Variants in NR3C1 observed in about 807,000 individuals in gnomAD.
The protein encoded by NR3C1 is glucocorticoid receptor.
A neutral mutation model predicts 74.0 loss-of-function variants in NR3C1; 14 were observed. The ratio of observed to expected loss-of-function variants is 0.19; its 90% CI spans 0.12 to 0.30. The LOEUF is 0.30. NR3C1 is among the 10% of genes least tolerant of loss of function. NR3C1 has a pLI of 1.00. For missense variants in NR3C1, 695 were observed against 909.8 expected (o/e 0.76, Z 3.04); for synonymous variants, 308 against 332.5 (o/e 0.93, Z 0.80).
rs2151472026 is a variant in NR3C1, at chr5:143,281,722, C to A, written c.*167G>T. On this transcript the variant is annotated 3_prime_UTR_variant, in exon 9 of 9. Coordinates refer to ENST00000394464, the MANE Select transcript of NR3C1 (RefSeq NM_000176.3). ...ATGACGACTCAACTGCTTCTGTTGC[C>A]AAGTCTTGGCCCTCTATAAACCACA... is the stretch of plus-strand genomic sequence containing the variant. 1.5e-6 allele frequency: 1 copy of A among 658,592 alleles called. No individual in the cohort carries two copies. Among genetic ancestry groups the A allele is most frequent in the East Asian group, 2.8e-5 (1 of 35,414 alleles). 40.8% of individuals were successfully genotyped at this position (658,592 alleles called of 1,614,324 possible).
rs72558023 is a variant in NR3C1, at chr5:143,400,642, T to C, written c.198A>G (p.Pro66=). Residue 66 remains proline (P), a synonymous_variant, in exon 2 of 9, where the codon CCA becomes CCG. Coordinates refer to ENST00000394464, the MANE Select transcript of NR3C1 (RefSeq NM_000176.3). ...SKQRRLLVDF[P]KGSVSNAQQP... ...GCTGCGCATTGCTTACTGAGCCTTT[T>C]GGAAAATCAACCAAAAGTCTTCGCT... The C allele has an allele frequency of 4.3e-6, 7 of 1,614,070 alleles. No individual in the cohort carries two copies. The highest frequency in any genetic ancestry group is 5.9e-6 in the Non-Finnish European group (7 of 1,179,880).
At chr5:143,381,175 G>C (rs184541293) in intron 2 of NR3C1, among the ~76,000 whole-genome samples, 1 of 151,992 alleles carries the variant, frequency 6.6e-6, no homozygotes. Context: ...AAATCAGAAA[G>C]TAATCTCATT....
Position 143,321,278 on chromosome 5 carries a change from C to T in NR3C1, c.1185-7110G>A, listed in dbSNP as rs755577942. 3.9e-5 allele frequency among the ~76,000 whole-genome samples: 6 copies of T among 152,142 alleles called. No individual in the cohort carries two copies. In the South Asian group the frequency reaches 8.3e-4, roughly 21 times the overall value. On this transcript the variant is annotated intron_variant, in intron 2 of 8. Transcript: ENST00000394464. ...GTAACTTATTTCTAAATATTTTATT[C>T]GATTCTTAAAGAGAGATTTGAATTT...
intron 2 of NR3C1, 23 bp downstream of exon 2, chr5:143,399,633 A>ACTCTT: frequency 6.6e-7 from 1 of 1,514,590 alleles, no homozygotes; most frequent in Non-Finnish European, 9.2e-7. Context: ...CATTCTTAAG[A>ACTCTT]AACAGAAAAA....
At chr5:143,350,355 T>C (rs566550753) in intron 2 of NR3C1, among the ~76,000 whole-genome samples, 1 of 152,232 alleles carries the variant, frequency 6.6e-6, no homozygotes, top group Non-Finnish European at 1.5e-5. Context: ...TTGCGAGGTA[T>C]TTATTTAGTC....
At chr5:143,378,838 A>G (rs1290439162) in intron 2 of NR3C1, among the ~76,000 whole-genome samples, 1 of 152,134 alleles carries the variant, frequency 6.6e-6, no homozygotes, top group East Asian at 1.9e-4. Context: ...GTGGAATGAT[A>G]CTGTTCTTTT....
chr5:143,325,804 AT>A, intron 2 of NR3C1, among the ~76,000 whole-genome samples: 1 of 152,298 alleles, frequency 6.6e-6, no homozygotes, highest in South Asian at 2.1e-4. Flanking sequence ...GGGCTGCTAT[AT>A]TTAGTAAATA....
intron 7 of NR3C1, among the ~76,000 whole-genome samples, chr5:143,288,888 C>T (rs1458559635): frequency 1.3e-5 from 2 of 151,778 alleles, no homozygotes; most frequent in East Asian, 1.9e-4. Flanking sequence ...GGTGGATCAC[C>T]TGAGGTCAGG....
intron 2 of NR3C1, among the ~76,000 whole-genome samples, chr5:143,320,346 C>T (rs1226981484): frequency 6.6e-6 from 1 of 152,166 alleles, no homozygotes; most frequent in Non-Finnish European, 1.5e-5. Context: ...GCATTGGTTT[C>T]AACTTTAGGT....
At chr5:143,294,722 A>G (rs905142919) in intron 7 of NR3C1, among the ~76,000 whole-genome samples, 1 of 152,090 alleles carries the variant, frequency 6.6e-6, no homozygotes, top group East Asian at 1.9e-4. Context: ...AATGTTATAT[A>G]GTTAGAATCA....
chr5:143,306,874 ATTTTTTTTTTTTTTTTTTTTTTTTT>A (rs70991802), intron 4 of NR3C1, among the ~76,000 whole-genome samples: 6 of 82,904 alleles, frequency 7.2e-5, no homozygotes, highest in African/African-American at 2.0e-4. Flanking sequence ...GTATGCTTAA[ATTTTTTTTTTTTTTTTTTTTTTTTT>A]TTTTTTTTTT....
exon 1 of NR3C1, chr5:143,434,769 T>A: frequency 1.0e-6 from 1 of 985,442 alleles, no homozygotes; most frequent in Non-Finnish European, 1.2e-6. Context: ...AGCTGGCCCC[T>A]TTCCTGGGCT....
chr5:143,281,858 T>C lies in NR3C1; in HGVS notation c.*31A>G. 1 of 1,605,014 alleles carries C rather than the reference T, an allele frequency of 6.2e-7. No homozygotes were observed. The highest frequency in any genetic ancestry group is 1.1e-5 in the South Asian group (1 of 90,850). ...TACAATAAAAGCTATTAATTCGACT[T>C]TCTTTAAGGCAACCATTCTTATTAA... On this transcript the variant is annotated 3_prime_UTR_variant, in exon 9 of 9. Coordinates refer to ENST00000394464, the MANE Select transcript of NR3C1 (RefSeq NM_000176.3).
chr5:143,365,773 A>C (rs1449508858), intron 2 of NR3C1, among the ~76,000 whole-genome samples: 1 of 152,368 alleles, frequency 6.6e-6, no homozygotes, highest in East Asian at 1.9e-4. Flanking sequence ...AAGCCAAATA[A>C]ATTTTAAAAG....
chr5:143,303,764 C>T (rs1224103631), intron 4 of NR3C1, among the ~76,000 whole-genome samples: 1 of 152,016 alleles, frequency 6.6e-6, no homozygotes, highest in African/African-American at 2.4e-5. Flanking sequence ...TTCTGGGATG[C>T]AAGGCTCGTT....
chr5:143,326,939 C>A (rs1824727988), intron 2 of NR3C1, among the ~76,000 whole-genome samples: 1 of 152,156 alleles, frequency 6.6e-6, no homozygotes, highest in Admixed American at 6.5e-5. Context: ...TCTAGTTATT[C>A]AATTTAAAGG....
intron 2 of NR3C1, among the ~76,000 whole-genome samples, chr5:143,365,813 C>T (rs1182037400): frequency 6.6e-6 from 1 of 152,010 alleles, no homozygotes; most frequent in African/African-American, 2.4e-5. Context: ...TGTTCTCGGA[C>T]CAGAATGGAA....
At chr5:143,414,995 C>T (rs1021656107) in intron 1 of NR3C1, among the ~76,000 whole-genome samples, 1 of 151,958 alleles carries the variant, frequency 6.6e-6, no homozygotes, top group African/African-American at 2.4e-5. Context: ...TTGGGGCCAT[C>T]CAAGAAAAAT....
At chr5:143,336,432 G>A (rs1218517653) in intron 2 of NR3C1, among the ~76,000 whole-genome samples, 1 of 152,142 alleles carries the variant, frequency 6.6e-6, no homozygotes, top group African/African-American at 2.4e-5. Context: ...AGATGGACAA[G>A]GATTGTTGGC....
Sources: allele counts gnomAD v4.1 joint callset (sites outside exome capture counted in the v4.1 genomes callset), GRCh38; gene constraint gnomAD v4.1.1; transcripts MANE v1.5; gene names NCBI Gene and HGNC (gene_info 2026-07-23, HGNC 2026-07-21).